The following ITPA variants were observed in gnomAD, a reference collection of about 807,000 sequenced individuals.
ITPA encodes inosine triphosphate pyrophosphatase.
ITPA carries 29 observed loss-of-function variants against 29.6 expected under a neutral mutation model. The observed-to-expected ratio is 0.98, with a 90% CI of 0.73 to 1.34. The LOEUF (loss-of-function observed/expected upper bound fraction) is 1.34, where lower values mean the gene tolerates loss of function less well. Among genes scored for constraint, ITPA ranks in the 40% most tolerant of loss-of-function variants. The pLI, the probability that ITPA is intolerant of heterozygous loss-of-function variation, is 0.00. For missense variants in ITPA, 241 were observed against 251.5 expected (o/e 0.96, Z 0.28); for synonymous variants, 103 against 99.3 (o/e 1.04, Z -0.22).
At chr20:3,204,655 C>T (rs768822984), upstream of ITPA, 21 of 1,555,758 alleles carry the variant, frequency 1.3e-5, 1 homozygote, top group South Asian at 2.3e-4. Flanking sequence ...AGAACCACTG[C>T]GTCCACCCTG....
intron 1 of ITPA, among the ~76,000 whole-genome samples, chr20:3,212,926 G>A (rs1232342747): frequency 6.6e-6 from 1 of 152,042 alleles, no homozygotes; most frequent in Non-Finnish European, 1.5e-5. Flanking sequence ...AGAAGAGTGT[G>A]TTCTGGATGG....
At chr20:3,211,756 G>C (rs1431047710) in intron 1 of ITPA, among the ~76,000 whole-genome samples, 1 of 152,214 alleles carries the variant, frequency 6.6e-6, no homozygotes, top group Non-Finnish European at 1.5e-5. Flanking sequence ...GCCTCCCGAA[G>C]TGTTAGATTA....
chr20:3,207,859 G>T (rs761813410), upstream of ITPA, among the ~76,000 whole-genome samples: 1 of 151,826 alleles, frequency 6.6e-6, no homozygotes. Context: ...GCTGGGCGTC[G>T]TGGGGGGTGC....
chr20:3,223,148 C>T (rs938373529), intron 7 of ITPA, among the ~76,000 whole-genome samples: 1 of 152,160 alleles, frequency 6.6e-6, no homozygotes, highest in Non-Finnish European at 1.5e-5. Context: ...AGTTTAATAC[C>T]CCTCCATGCT....
chr20:3,215,022 G>A (rs542878066), intron 4 of ITPA, among the ~76,000 whole-genome samples: 4 of 152,172 alleles, frequency 2.6e-5, no homozygotes, highest in African/African-American at 9.6e-5. Context: ...GCAGGCACAT[G>A]CCTAGCCAGT....
At position 3,221,833 on chromosome 20, in the gene ITPA, T is replaced by C. The variant is rs1332479089; in HGVS notation, c.412-8T>C. On this transcript the variant is annotated splice_region_variant and splice_polypyrimidine_tract_variant and intron_variant, in intron 6 of 7. Coordinates refer to ENST00000380113, the MANE Select transcript of ITPA (RefSeq NM_033453.4). ...AGTTACACACCTGTCCCCCCTTTCC[T>C]GTGGCAGGGCCGGATCGTGGCACCC... is the stretch of plus-strand genomic sequence containing the variant. 1 of 1,614,072 alleles carries C rather than the reference T, an allele frequency of 6.2e-7. No individual in the cohort carries two copies. The highest frequency in any genetic ancestry group is 1.7e-5 in the Admixed American group (1 of 60,026).
chr20:3,209,068 G>A (rs945313037), upstream of ITPA: 1 of 226,150 alleles, frequency 4.4e-6, no homozygotes, highest in African/African-American at 2.3e-5. The surrounding 1 kb of genome is among the most constrained non-coding windows in gnomAD (Gnocchi z 4.6). Context: ...GCTATGCCGA[G>A]TTTAAGTTCA....
rs2067127965 is a variant in ITPA, at chr20:3,209,708, G to A, written c.66+91G>A. On this transcript the variant is annotated intron_variant, in intron 1 of 7. Transcript: ENST00000380113. The surrounding 1 kb of genome is among the most constrained non-coding windows in gnomAD (Gnocchi z 4.6). ...GGAGGAGGGAAGCACGTGGGAGGAG[G>A]CATGGAGAGAGAACAGAATTCAGCC... is the stretch of plus-strand genomic sequence containing the variant. 8.6e-6 allele frequency: 9 copies of A among 1,041,924 alleles called. No individual in the cohort carries two copies. The highest frequency in any genetic ancestry group is 1.3e-5 in the Non-Finnish European group (9 of 678,722). 64.5% of individuals were successfully genotyped at this position (1,041,924 alleles called of 1,614,324 possible).
chr20:3,213,401 G>A lies in ITPA; in HGVS notation c.189+18G>A. On this transcript the variant is annotated intron_variant, in intron 3 of 7. Transcript: ENST00000380113. ...TTCGCCAGGTGCTTGCCCTGCCCTT[G>A]TCCCACACTTGCTCTTCTTGTCCAG... is the stretch of plus-strand genomic sequence containing the variant. The A allele has an allele frequency of 6.2e-7, 1 of 1,613,468 alleles. No homozygotes were observed. The highest frequency in any genetic ancestry group is 8.5e-7 in the Non-Finnish European group (1 of 1,180,008).
Position 3,223,555 on chromosome 20 carries a change from C to A in ITPA, c.*93C>A. On this transcript the variant is annotated 3_prime_UTR_variant, in exon 8 of 8. Transcript: ENST00000380113. ...CGGGCAGGCACCCCCTGAAGTACTT[C>A]CTTCAGGGTTTCCCCTTTGTGAGGG... 2.2e-6 allele frequency: 2 copies of A among 926,554 alleles called. No individual in the cohort carries two copies. The highest frequency in any genetic ancestry group is 1.4e-5 in the South Asian group (1 of 71,750). 57.4% of individuals were successfully genotyped at this position (926,554 alleles called of 1,614,324 possible). A position where few individuals can be genotyped will look rare whatever the true frequency, so the allele number is the denominator to read the frequency against.
chr20:3,219,380 G>T (rs143585776), intron 6 of ITPA, among the ~76,000 whole-genome samples: 2 of 151,524 alleles, frequency 1.3e-5, no homozygotes, highest in Non-Finnish European at 2.9e-5. Flanking sequence ...AGGCCCCAGC[G>T]GGAGGCTTTC....
At chr20:3,226,265 T>C (rs530958706), downstream of ITPA, among the ~76,000 whole-genome samples, 3 of 152,248 alleles carry the variant, frequency 2.0e-5, 1 homozygote, top group South Asian at 6.2e-4. This position sits in a 1 kb window ranked among gnomAD's most constrained non-coding sequence, Gnocchi z 4.4. Flanking sequence ...TTGAATTGAA[T>C]TGAATTGGTG....
intron 7 of ITPA, 99 bp from the exon 8 acceptor site, chr20:3,223,267 G>T: frequency 2.3e-6 from 2 of 880,320 alleles, no homozygotes; most frequent in Middle Eastern, 2.1e-4. Flanking sequence ...CTTGGGGTCT[G>T]TGAGCTTTGG....
In ITPA at chr20:3,223,366, G is replaced by A; in HGVS notation, c.489G>A (p.Thr163=). The A allele has an allele frequency of 6.2e-7, 1 of 1,612,994 alleles. No individual in the cohort carries two copies. The highest frequency in any genetic ancestry group is 8.5e-7 in the Non-Finnish European group (1 of 1,179,412). ...PCFQPDGYEQ[T]YAEMPKAEKN... ...CTGAGCTGCTACTGTCACCCCTCAG[G>A]TACGCAGAGATGCCTAAGGCGGAGA... Residue 163 remains threonine, a splice_region_variant and synonymous_variant, in exon 8 of 8, where the codon ACG becomes ACA. Coordinates refer to ENST00000380113, the MANE Select transcript of ITPA (RefSeq NM_033453.4).
chr20:3,210,433 G>C (rs2067145302), intron 1 of ITPA, among the ~76,000 whole-genome samples: 1 of 152,222 alleles, frequency 6.6e-6, no homozygotes, highest in Admixed American at 6.5e-5. Context: ...CTTGAATCAA[G>C]AGTTTGCCCC....
At chr20:3,204,702 A>C (rs567053375), upstream of ITPA, 10 of 1,430,200 alleles carry the variant, frequency 7.0e-6, no homozygotes, top group African/African-American at 1.4e-5. Flanking sequence ...CTATTTCCCA[A>C]TCTAGACTCC....
chr20:3,218,469 G>T, intron 5 of ITPA, 48 bp from the exon 6 acceptor site: 1 of 1,298,032 alleles, frequency 7.7e-7, no homozygotes, highest in Admixed American at 1.7e-5. Flanking sequence ...GAGTGGGGGT[G>T]GGAGTTGGCC....
intron 5 of ITPA, among the ~76,000 whole-genome samples, chr20:3,217,027 C>CATG (rs2067322225): frequency 1.3e-5 from 2 of 152,024 alleles, no homozygotes; most frequent in South Asian, 4.1e-4. Flanking sequence ...ATTACAGGTG[C>CATG]CCACCACCAC....
At chr20:3,215,892 G>A (rs909633805) in intron 5 of ITPA, among the ~76,000 whole-genome samples, 9 of 151,924 alleles carry the variant, frequency 5.9e-5, no homozygotes, top group African/African-American at 2.2e-4. Flanking sequence ...CACCATGTTG[G>A]CCAGGCCAGT....
Sources: allele counts gnomAD v4.1 joint callset (sites outside exome capture counted in the v4.1 genomes callset), GRCh38; gene constraint gnomAD v4.1.1; non-coding constraint Gnocchi (gnomAD v3.1); transcripts MANE v1.5; gene names NCBI Gene and HGNC (gene_info 2026-07-23, HGNC 2026-07-21).